The following DPYD variants were observed in gnomAD, a reference collection of about 807,000 sequenced individuals.
The protein encoded by DPYD is dihydropyrimidine dehydrogenase.
Under a neutral mutation model 116.2 loss-of-function variants are expected in DPYD, and 109 were observed. The ratio of observed to expected loss-of-function variants is 0.94; its 90% CI spans 0.80 to 1.10. The LOEUF is 1.10. Ranked by LOEUF, DPYD falls within the 50% of genes least tolerant of loss-of-function variation. The probability of loss-of-function intolerance (pLI) is 0.00; values close to 1 mark genes in which losing one functional copy is unlikely to be tolerated. For missense variants in DPYD, 1,302 were observed against 1,254.5 expected, an observed-to-expected ratio of 1.04 and a Z score of -0.57; for synonymous variants, 440 against 432.0, an observed-to-expected ratio of 1.02 and a Z score of -0.23.
At chr1:97,590,972 T>C (rs1321542909) in intron 10 of DPYD, among the ~76,000 whole-genome samples, 4 of 152,252 alleles carry the variant, frequency 2.6e-5, no homozygotes, top group Admixed American at 6.5e-5. Flanking sequence ...AAAGGTCTTA[T>C]GAATGCCTAC....
chr1:97,410,716 A>G (rs903368753), intron 14 of DPYD, among the ~76,000 whole-genome samples: 4 of 152,120 alleles, frequency 2.6e-5, no homozygotes, highest in Non-Finnish European at 5.9e-5. Context: ...TATAGAACCA[A>G]AGTTTATAGA....
intron 4 of DPYD, among the ~76,000 whole-genome samples, chr1:97,736,554 A>G (rs1663955149): frequency 6.6e-6 from 1 of 152,124 alleles, no homozygotes. Context: ...CTCTCATCAA[A>G]TTTTAAAAGA....
intron 20 of DPYD, among the ~76,000 whole-genome samples, chr1:97,178,184 G>A (rs756676296): frequency 6.6e-6 from 1 of 152,146 alleles, no homozygotes; most frequent in Non-Finnish European, 1.5e-5. Flanking sequence ...ACTCTGACAG[G>A]AGAGGTCAGA....
chr1:97,531,870 C>A (rs1002378160), intron 12 of DPYD, among the ~76,000 whole-genome samples: 1 of 151,868 alleles, frequency 6.6e-6, no homozygotes, highest in African/African-American at 2.4e-5. Context: ...GTACTTTATT[C>A]TTTCTGGTCT....
Position 97,816,392 on chromosome 1 carries a change from A to G in DPYD, c.233+11722T>C, listed in dbSNP as rs573145923. Among the ~76,000 whole-genome samples, 187 of 152,328 alleles carry G rather than the reference A, an allele frequency of 1.2e-3. No individual in the cohort carries two copies. The Middle Eastern group carries it at 0.024, about 19-fold the overall frequency. ...ATATGCATTGACTAAATTTTTAATA[A>G]AAGTAATTCTTTAGATAATTCCATG... is the stretch of plus-strand genomic sequence containing the variant. On this transcript the variant is annotated intron_variant, in intron 3 of 22. Coordinates refer to ENST00000370192, the MANE Select transcript of DPYD (RefSeq NM_000110.4).
At chr1:97,435,246 TTGAC>T (rs1333240800) in intron 14 of DPYD, among the ~76,000 whole-genome samples, 1 of 151,952 alleles carries the variant, frequency 6.6e-6, no homozygotes, top group East Asian at 1.9e-4. Context: ...ACAAATTTCA[TTGAC>T]TGATTCTTCC....
intron 1 of DPYD, among the ~76,000 whole-genome samples, chr1:97,887,482 A>G (rs1243899757): frequency 1.3e-5 from 2 of 148,634 alleles, no homozygotes; most frequent in Non-Finnish European, 3.0e-5. Context: ...AAAAAAAAAA[A>G]AAAAAAAAAA....
At chr1:97,500,318 A>G (rs1181922874) in intron 13 of DPYD, among the ~76,000 whole-genome samples, 1 of 152,062 alleles carries the variant, frequency 6.6e-6, no homozygotes, top group Non-Finnish European at 1.5e-5. Context: ...CTGCATAAAC[A>G]GTAAAATGAA....
At chr1:97,498,292 T>C (rs1679383762) in intron 13 of DPYD, among the ~76,000 whole-genome samples, 1 of 151,736 alleles carries the variant, frequency 6.6e-6, no homozygotes, top group Admixed American at 6.6e-5. Context: ...AAGTTACACT[T>C]TAAAGAATGG....
chr1:97,139,933 A>T (rs1012156371), intron 20 of DPYD, among the ~76,000 whole-genome samples: 1 of 152,120 alleles, frequency 6.6e-6, no homozygotes, highest in Non-Finnish European at 1.5e-5. Context: ...CTCCTGTAGA[A>T]TGTTCTGTTT....
chr1:97,915,414 A>C (rs1474289470), intron 1 of DPYD, among the ~76,000 whole-genome samples: 4 of 152,292 alleles, frequency 2.6e-5, no homozygotes, highest in Non-Finnish European at 4.4e-5. Context: ...CAGATGTTTC[A>C]TATGTACTAG....
intron 18 of DPYD, among the ~76,000 whole-genome samples, chr1:97,259,581 A>G (rs957455887): frequency 6.6e-6 from 1 of 152,082 alleles, no homozygotes; most frequent in African/African-American, 2.4e-5. Flanking sequence ...GTGACTTAGG[A>G]TTAGCAGATG....
At chr1:97,378,070 C>T (rs1671740070) in intron 15 of DPYD, among the ~76,000 whole-genome samples, 1 of 152,214 alleles carries the variant, frequency 6.6e-6, no homozygotes. Context: ...AGTAGCAATG[C>T]TATCCTCTAG....
chr1:97,862,631 T>C (rs1343326346), intron 2 of DPYD, among the ~76,000 whole-genome samples: 1 of 151,962 alleles, frequency 6.6e-6, no homozygotes, highest in Non-Finnish European at 1.5e-5. Context: ...CTGTGTGATA[T>C]GACTTGTTCA....
chr1:97,915,280 G>C (rs1373444936), intron 1 of DPYD, among the ~76,000 whole-genome samples: 1 of 152,016 alleles, frequency 6.6e-6, no homozygotes, highest in African/African-American at 2.4e-5. Context: ...AACCATGAAA[G>C]GAAGCTTGAT....
chr1:97,816,070 T>G (rs1668590143), intron 3 of DPYD, among the ~76,000 whole-genome samples: 1 of 152,052 alleles, frequency 6.6e-6, no homozygotes. Flanking sequence ...TTAATTTTTT[T>G]TTTTTTAGGA....
At chr1:97,132,693 A>G (rs553496427) in intron 20 of DPYD, among the ~76,000 whole-genome samples, 1 of 152,206 alleles carries the variant, frequency 6.6e-6, no homozygotes, top group African/African-American at 2.4e-5. Flanking sequence ...ATCATTTTGC[A>G]TTTTATCATT....
intron 20 of DPYD, among the ~76,000 whole-genome samples, chr1:97,152,775 C>T (rs1160402038): frequency 6.6e-6 from 1 of 151,664 alleles, no homozygotes; most frequent in Admixed American, 6.6e-5. Flanking sequence ...TCAGGTATAG[C>T]ATACCTGAGA....
chr1:97,821,331 C>CAAAAA (rs35940342), intron 3 of DPYD, among the ~76,000 whole-genome samples: 5 of 113,816 alleles, frequency 4.4e-5, no homozygotes, highest in African/African-American at 1.7e-4. Flanking sequence ...AACTCCACCT[C>CAAAAA]AAAAAAAAAA....
Sources: gnomAD v4.1 joint callset for allele counts (sites outside exome capture counted in the v4.1 genomes callset) on GRCh38, gnomAD v4.1.1 for gene constraint, MANE v1.5 for transcripts, NCBI Gene and HGNC (gene_info 2026-07-23, HGNC 2026-07-21) for gene names.